Variants in IGSF9B observed in about 807,000 individuals in gnomAD.
IGSF9B encodes the protein protein turtle homolog B.
IGSF9B carries 48 observed loss-of-function variants against 143.7 expected under a neutral mutation model. The observed-to-expected ratio is 0.33, with a 90% CI of 0.26 to 0.42. IGSF9B has a LOEUF of 0.42. Among genes scored for constraint, IGSF9B ranks in the 20% least tolerant of loss-of-function variants. The pLI, the probability that IGSF9B is intolerant of heterozygous loss-of-function variation, is 1.00. For missense variants in IGSF9B, 1,706 were observed against 1,980.0 expected (o/e 0.86, Z 2.63); for synonymous variants, 903 against 833.1 (o/e 1.08, Z -1.44).
In IGSF9B at chr11:133,948,911, G is replaced by A. The variant is rs1455162630; in HGVS notation, c.65-2653C>T. On this transcript the variant is annotated intron_variant, in intron 1 of 19. Coordinates refer to ENST00000533871, the MANE Select transcript of IGSF9B (RefSeq NM_001277285.4). The surrounding 1 kb of genome is among the most constrained non-coding windows in gnomAD (Gnocchi z 4.7). ...GCTCTAGCGGGCAACGCCAGGAGGT[G>A]GGTTGGCTTTGACGTGGGTTCCCGC... Among the ~76,000 whole-genome samples, 1 of 152,170 alleles carries A rather than the reference G, an allele frequency of 6.6e-6. No individual in the cohort carries two copies. Among genetic ancestry groups the A allele is most frequent in the Non-Finnish European group, 1.5e-5 (1 of 68,020 alleles).
Position 133,935,601 on chromosome 11 carries a change from C to A in IGSF9B, c.967+16G>T. 1 of 1,605,448 alleles carries A rather than the reference C, an allele frequency of 6.2e-7. No homozygotes were observed. The highest frequency in any genetic ancestry group is 2.2e-5 in the East Asian group (1 of 44,606). On this transcript the variant is annotated intron_variant, in intron 7 of 19. Coordinates refer to ENST00000533871, the MANE Select transcript of IGSF9B (RefSeq NM_001277285.4). ...TGGGAGCCCCACCACCCAGGCTCCC[C>A]TGCACCCCTACTCACACTGCACGGT...
chr11:133,918,084 G>A (rs989610736), intron 18 of IGSF9B, among the ~76,000 whole-genome samples: 2 of 151,786 alleles, frequency 1.3e-5, no homozygotes, highest in Admixed American at 6.6e-5. Flanking sequence ...AGGCGGTGCC[G>A]AGCGTGGCTC....
chr11:133,949,623 GT>G (rs1408363294), intron 1 of IGSF9B, among the ~76,000 whole-genome samples: 1 of 152,012 alleles, frequency 6.6e-6, no homozygotes, highest in Non-Finnish European at 1.5e-5. Flanking sequence ...GGGAGGGTGA[GT>G]TCAGGCCAGC....
chr11:133,927,070 C>A lies in IGSF9B; in HGVS notation c.1653G>T (p.Gly551=). Residue 551 remains glycine, a synonymous_variant, in exon 13 of 20, where the codon GGG becomes GGT. Coordinates refer to ENST00000533871, the MANE Select transcript of IGSF9B (RefSeq NM_001277285.4). The stretch of plus-strand genomic sequence containing the variant: ...CTGGCAAGGACAGCCAGTCATGGGG[C>A]CCAAACTGTGCCCGCTTCATCCTGG... ...FSVWMKRAQF[G]PHDWLSLPVP... is the part of the protein sequence containing the mutation. 1.3e-6 allele frequency: 2 copies of A among 1,559,116 alleles called. No homozygotes were observed.
In IGSF9B at chr11:133,906,514, C is replaced by T. The variant is rs1412450468; in HGVS notation, c.*2555G>A. Reference sequence around the variant, plus strand: ...GTGACCAGCGAAAAGCACGGCTCCCCGCGTTGGGTCTACGTGCTGAGGTCA... The same window carrying T: ...GTGACCAGCGAAAAGCACGGCTCCCTGCGTTGGGTCTACGTGCTGAGGTCA... On this transcript the variant is annotated 3_prime_UTR_variant, in exon 20 of 20. Coordinates refer to ENST00000533871, the MANE Select transcript of IGSF9B (RefSeq NM_001277285.4). 3.3e-5 allele frequency among the ~76,000 whole-genome samples: 5 copies of T among 152,188 alleles called. No individual in the cohort carries two copies. The highest frequency in any genetic ancestry group is 5.9e-5 in the Non-Finnish European group (4 of 68,042).
In IGSF9B at chr11:133,928,264, C is replaced by T. The variant is rs951990336; in HGVS notation, c.1632-1173G>A. On this transcript the variant is annotated intron_variant, in intron 12 of 19. Transcript: ENST00000533871. The surrounding 1 kb of genome is among the most constrained non-coding windows in gnomAD (Gnocchi z 4.7). ...GCAGCACCGGTCTCCCAGCAGCCAC[C>T]GGGCAGGCTGGTTAGGGCCCCCACG... is the stretch of plus-strand genomic sequence containing the variant. Among the ~76,000 whole-genome samples the T allele has an allele frequency of 5.3e-5, 8 of 152,144 alleles. No homozygotes were observed. Among genetic ancestry groups the T allele is most frequent in the Non-Finnish European group, 8.8e-5 (6 of 68,026 alleles).
chr11:133,932,108 T>C lies in IGSF9B; in HGVS notation c.1073A>G (p.Lys358Arg), dbSNP rs1939742485. The C allele has an allele frequency of 6.2e-7, 1 of 1,613,888 alleles. No individual in the cohort carries two copies. Among genetic ancestry groups the C allele is most frequent in the Non-Finnish European group, 8.5e-7 (1 of 1,179,842 alleles). Residue 358 changes from lysine (K) to arginine (R), a missense_variant, in exon 8 of 20, where the codon AAG (lysine) becomes AGG (arginine). By Grantham distance (26) the Lys-to-Arg change is conservative (BLOSUM62 2). Around this residue, in one of 7 missense-constraint regions of IGSF9B, gnomAD observed 238 missense variants for 452.6 expected, o/e 0.53. Transcript: ENST00000533871. ...VDAEPPATVVKWNKDGRPLQV... is the reference protein window; with the variant it reads ...VDAEPPATVVRWNKDGRPLQV... ...CAGGGGACGGCCGTCCTTGTTCCAC[T>C]TGACCACGGTGGCCGGTGGTTCTGC...
Position 133,933,729 on chromosome 11 carries a change from C to G in IGSF9B, c.968-1516G>C, listed in dbSNP as rs571604886. Reference sequence around the variant, plus strand: ...CACCACTGCACTCCAACCTTGGTGACACAGCAGGACCCTGGCTCTCGGAGG... The same window carrying G: ...CACCACTGCACTCCAACCTTGGTGAGACAGCAGGACCCTGGCTCTCGGAGG... On this transcript the variant is annotated intron_variant, in intron 7 of 19. Transcript: ENST00000533871. Among the ~76,000 whole-genome samples, 6 of 152,202 alleles carry G rather than the reference C, an allele frequency of 3.9e-5. No individual in the cohort carries two copies. In the East Asian group the frequency reaches 1.2e-3, roughly 29 times the overall value.
intron 18 of IGSF9B, among the ~76,000 whole-genome samples, chr11:133,914,487 G>A (rs897326088): frequency 3.3e-5 from 5 of 152,226 alleles, no homozygotes; most frequent in African/African-American, 1.2e-4. Context: ...ACAGACCAGG[G>A]CTGGAGAGGA....
intron 14 of IGSF9B, 110 bp from the exon 15 acceptor site, chr11:133,925,014 CAGG>C: frequency 1.2e-6 from 1 of 836,796 alleles, no homozygotes; most frequent in Non-Finnish European, 2.0e-6. Context: ...ACCCAAAGCA[CAGG>C]AGGACTGCTA....
rs538968864 is a variant in IGSF9B, at chr11:133,924,272, T to C, written c.2119+548A>G. On this transcript the variant is annotated intron_variant, in intron 15 of 19. Coordinates refer to ENST00000533871, the MANE Select transcript of IGSF9B (RefSeq NM_001277285.4). ...GAACTATAGCTGGAGAGAAGATGTG[T>C]AGAAATGGGACCAGGGCCAAGAGAA... is the stretch of plus-strand genomic sequence containing the variant. Among the ~76,000 whole-genome samples the C allele has an allele frequency of 3.9e-5, 6 of 152,186 alleles. No individual in the cohort carries two copies. The South Asian group carries it at 1.2e-3, about 32-fold the overall frequency.
At chr11:133,911,486 C>T (rs1160302475) in intron 19 of IGSF9B, among the ~76,000 whole-genome samples, 1 of 152,126 alleles carries the variant, frequency 6.6e-6, no homozygotes, top group Non-Finnish European at 1.5e-5. Context: ...AGGTGAAATG[C>T]AGAGTGGAAA....
At chr11:133,921,482 C>A in intron 17 of IGSF9B, 85 bp from the exon 18 acceptor site, 2 of 1,066,142 alleles carry the variant, frequency 1.9e-6, no homozygotes, top group Non-Finnish European at 2.6e-6. Context: ...GGCAACCACC[C>A]AGCACCCAGG....
intron 15 of IGSF9B, among the ~76,000 whole-genome samples, chr11:133,923,517 G>A (rs577964227): frequency 1.3e-5 from 2 of 152,318 alleles, no homozygotes; most frequent in African/African-American, 4.8e-5. Context: ...CTAGACACCA[G>A]CCTACCATCT....
rs567415058 is a variant in IGSF9B, at chr11:133,904,242, C to T, written c.*4827G>A. ...CCCATGAACATTTTCAGATTGTGGA[C>T]GGAGAGGCAACCCACCGCTGCAGCT... On this transcript the variant is annotated 3_prime_UTR_variant, in exon 20 of 20. Coordinates refer to ENST00000533871, the MANE Select transcript of IGSF9B (RefSeq NM_001277285.4). Among the ~76,000 whole-genome samples the T allele has an allele frequency of 1.3e-5, 2 of 152,226 alleles. No individual in the cohort carries two copies. The highest frequency in any genetic ancestry group is 2.1e-4 in the South Asian group (1 of 4,814).
In IGSF9B at chr11:133,913,944, G is replaced by A. The variant is rs576260976; in HGVS notation, c.3984-1937C>T. Among the ~76,000 whole-genome samples, 11 of 152,296 alleles carry A rather than the reference G, an allele frequency of 7.2e-5. No individual in the cohort carries two copies. Among genetic ancestry groups the A allele is most frequent in the African/African-American group, 1.9e-4 (8 of 41,578 alleles). On this transcript the variant is annotated intron_variant, in intron 18 of 19. Coordinates refer to ENST00000533871, the MANE Select transcript of IGSF9B (RefSeq NM_001277285.4). The surrounding 1 kb of genome is among the most constrained non-coding windows in gnomAD (Gnocchi z 4.6). ...GTGAGCGACGTGTGGTCAGGGAGGC[G>A]CATGACCGGCAAGAAGAGTGCTCTC...
Position 133,922,638 on chromosome 11 carries a change from T to C in IGSF9B, c.2212A>G (p.Ile738Val), listed in dbSNP as rs761692468. The C allele has an allele frequency of 6.2e-7, 1 of 1,603,442 alleles. No homozygotes were observed. The highest frequency in any genetic ancestry group is 1.7e-5 in the Admixed American group (1 of 58,706). The change falls in exon 16 of 20, where the codon ATC becomes GTC. Residue 738 changes from isoleucine (I) to valine (V), a missense_variant. Physicochemically the swap from Ile to Val is conservative, Grantham distance 29. Around this residue, in one of 7 missense-constraint regions of IGSF9B, gnomAD observed 135 missense variants for 181.3 expected, o/e 0.74. Coordinates refer to ENST00000533871, the MANE Select transcript of IGSF9B (RefSeq NM_001277285.4). ...VATICFLAAA[I>V]LFSTLAACFV... Reference sequence around the variant, plus strand: ...CAGGCAGCCAGGGTGCTGAACAGGATGGCAGCTGCCAAGAAGCAGATGGTA... The same window carrying C: ...CAGGCAGCCAGGGTGCTGAACAGGACGGCAGCTGCCAAGAAGCAGATGGTA...
rs1421431071 is a variant in IGSF9B, at chr11:133,899,694, T to G, written c.*9375A>C. The G allele has an allele frequency of 6.6e-6, 1 of 152,238 alleles. No individual in the cohort carries two copies. Among genetic ancestry groups the G allele is most frequent in the Non-Finnish European group, 1.5e-5 (1 of 68,150 alleles). 9.4% of individuals were successfully genotyped at this position (152,238 alleles called of 1,614,324 possible). A position where few individuals can be genotyped will look rare whatever the true frequency, so the allele number is the denominator to read the frequency against. ...TCTGCTGGTTGCATGTGGCCAGAAG[T>G]CGGGCAGAGTCCACAGAAAGAGAGG... On this transcript the variant is annotated 3_prime_UTR_variant, in exon 20 of 20. Coordinates refer to ENST00000533871, the MANE Select transcript of IGSF9B (RefSeq NM_001277285.4).
rs774660139 is a variant in IGSF9B, at chr11:133,919,873, G to A, written c.3852C>T (p.Ser1284=). 8 of 1,588,912 alleles carry A rather than the reference G, an allele frequency of 5.0e-6. No homozygotes were observed. The highest frequency in any genetic ancestry group is 4.1e-5 in the African/African-American group (3 of 74,030). The change falls in exon 18 of 20, where the codon TCC becomes TCT. Residue 1284 remains serine (S), a synonymous_variant. Coordinates refer to ENST00000533871, the MANE Select transcript of IGSF9B (RefSeq NM_001277285.4). ...GFTTLATGYP[S]PPPGPAPAGP... ...CAGCAGGGGCGGGGCCGGGTGGAGG[G>A]GAAGGGTAGCCGGTGGCCAGAGTGG...
Sources: allele counts gnomAD v4.1 joint callset (sites outside exome capture counted in the v4.1 genomes callset), GRCh38; gene constraint gnomAD v4.1.1; regional missense constraint gnomAD v4.1.1; non-coding constraint Gnocchi (gnomAD v3.1); transcripts MANE v1.5; gene names NCBI Gene and HGNC (gene_info 2026-07-23, HGNC 2026-07-21).